FSIP2: variants seen among roughly 807,000 people sequenced by gnomAD.
FSIP2 encodes the protein fibrous sheath-interacting protein 2.
In FSIP2, 367 loss-of-function variants were observed where a neutral mutation model predicts 510.5. That is an observed-to-expected ratio of 0.72 (90% CI 0.66 to 0.78). FSIP2 has a LOEUF of 0.78. Ranked by LOEUF, FSIP2 falls within the 30% of genes least tolerant of loss-of-function variation. FSIP2 has a pLI of 0.00. For synonymous variants in FSIP2, 2,601 were observed against 2,732.2 expected (o/e 0.95, Z 1.50); for missense variants, 7,594 against 7,901.7 (o/e 0.96, Z 1.48).
intron 17 of FSIP2, among the ~76,000 whole-genome samples, chr2:185,810,373 A>AC (rs1693700707): frequency 6.6e-6 from 1 of 151,682 alleles, no homozygotes; most frequent in Non-Finnish European, 1.5e-5. Flanking sequence ...ACTCCCCTGC[A>AC]CCCTGCCCAA....
chr2:185,817,154 T>G (rs1005526566), intron 19 of FSIP2, among the ~76,000 whole-genome samples: 1 of 152,024 alleles, frequency 6.6e-6, no homozygotes, highest in Non-Finnish European at 1.5e-5. Flanking sequence ...AGGAGCCCAA[T>G]TTACAGTTTC....
At position 185,809,217 on chromosome 2, in the gene FSIP2, GA is replaced by G. The variant is rs1234891765; in HGVS notation, c.19827+87del. The G allele has an allele frequency of 7.1e-6, 10 of 1,410,148 alleles. No homozygotes were observed. The East Asian group carries it at 2.4e-4, about 34-fold the overall frequency. The allele number at this position is 1,410,148 out of a possible 1,614,324, so 87.4% of individuals were successfully genotyped here. On this transcript the variant is annotated intron_variant, in intron 17 of 22. Coordinates refer to ENST00000424728, the MANE Select transcript of FSIP2 (RefSeq NM_173651.4). ...ATTTCCTTCCTCAAATAAGTATATG[GA>G]AATGCATTCATTGTTGTTGGTGTTT...
rs752244805 is a variant in FSIP2 at position 185,806,392 on chromosome 2, G to A, written c.17086G>A (p.Glu5696Lys). Residue 5696 changes from glutamate to lysine, a missense_variant, in exon 17 of 23, where the codon GAA (glutamate) becomes AAA (lysine). Coordinates refer to ENST00000424728, the MANE Select transcript of FSIP2 (RefSeq NM_173651.4). ...TGTTTTAGAACTATCTTCTTCTCCA[G>A]AACCAGCATATTATTCGAAACTCAG... ...EDVLELSSSP[E>K]PAYYSKLSYD... is the part of the protein sequence containing the mutation. The A allele has an allele frequency of 2.5e-6, 4 of 1,611,742 alleles. 1 individual carries two copies. The South Asian group carries it at 4.4e-5, about 18-fold the overall frequency.
chr2:185,738,677 T>C, upstream of FSIP2: 1 of 1,536,104 alleles, frequency 6.5e-7, no homozygotes, highest in Non-Finnish European at 8.7e-7. Context: ...GGACCGATTT[T>C]CCCAGCTCTG....
intron 10 of FSIP2, among the ~76,000 whole-genome samples, chr2:185,761,395 A>G (rs1435367851): frequency 6.6e-6 from 1 of 151,236 alleles, no homozygotes; most frequent in Non-Finnish European, 1.5e-5. Context: ...GTACTAAGCT[A>G]GAATGAAGGA....
At chr2:185,816,871 G>T (rs1693835058) in intron 19 of FSIP2, among the ~76,000 whole-genome samples, 1 of 150,112 alleles carries the variant, frequency 6.7e-6, no homozygotes, top group South Asian at 2.1e-4. Context: ...GAGAGAGAGA[G>T]AGAGAGAGAA....
chr2:185,815,905 A>G (rs1693818677), intron 19 of FSIP2, among the ~76,000 whole-genome samples: 1 of 152,054 alleles, frequency 6.6e-6, no homozygotes, highest in Non-Finnish European at 1.5e-5. Flanking sequence ...GCATTCAGAG[A>G]TAAATGGTAG....
At chr2:185,756,689 A>C (rs1692253108) in intron 9 of FSIP2, among the ~76,000 whole-genome samples, 1 of 151,274 alleles carries the variant, frequency 6.6e-6, no homozygotes, top group Non-Finnish European at 1.5e-5. Flanking sequence ...CTTTTAACTT[A>C]TGTTATGTCA....
Position 185,813,909 on chromosome 2 carries a change from A to T in FSIP2, c.20192A>T (p.Glu6731Val). ...TTASANIEST[E>V]AISNQVIESK... ...GCCAGTGCAAATATTGAAAGTACTGAAGCAATCTCAAATCAGGTAATAGAA... is the reference window on the plus strand; with the variant it reads ...GCCAGTGCAAATATTGAAAGTACTGTAGCAATCTCAAATCAGGTAATAGAA... The change falls in exon 18 of 23, where the codon GAA becomes GTA. Residue 6731 changes from glutamate (E) to valine (V), a missense_variant. Physicochemically the swap from Glu to Val is moderately radical, Grantham distance 121. Transcript: ENST00000424728. The T allele has an allele frequency of 6.2e-7, 1 of 1,613,766 alleles. No individual in the cohort carries two copies. The highest frequency in any genetic ancestry group is 8.5e-7 in the Non-Finnish European group (1 of 1,179,794).
chr2:185,787,968 ATTATTTGTAT>A (rs1285684643), intron 15 of FSIP2: 4 of 151,332 alleles, frequency 2.6e-5, no homozygotes, highest in Admixed American at 6.6e-5. Context: ...TTTTATTTGT[ATTATTTGTAT>A]TTATTTGTAT....
chr2:185,754,415 G>A (rs762369304), intron 8 of FSIP2, among the ~76,000 whole-genome samples: 28 of 151,398 alleles, frequency 1.8e-4, no homozygotes, highest in Admixed American at 1.3e-4. Context: ...CTTTGACTGT[G>A]TAGTACCAGG....
At chr2:185,757,980 T>C (rs570814659) in intron 9 of FSIP2, among the ~76,000 whole-genome samples, 12 of 151,078 alleles carry the variant, frequency 7.9e-5, no homozygotes, top group Non-Finnish European at 1.5e-4. Context: ...CCAGATTACC[T>C]CTGGGATTAT....
rs1385560166 is a variant in FSIP2 at position 185,803,897 on chromosome 2, T to C, written c.14591T>C (p.Val4864Ala). Residue 4864 changes from valine (V) to alanine (A), a missense_variant, in exon 17 of 23, where the codon GTT becomes GCT. Physicochemically the swap from Val to Ala is moderately conservative, Grantham distance 64. Coordinates refer to ENST00000424728, the MANE Select transcript of FSIP2 (RefSeq NM_173651.4). The part of the protein sequence containing the change: ...MISAKDIQSM[V>A]DSIYADLSHS... ...TCAGCAAAAGATATCCAGTCTATGG[T>C]TGATTCCATTTATGCTGATCTTTCT... 1 of 1,526,210 alleles carries C rather than the reference T, an allele frequency of 6.6e-7. No homozygotes were observed. The highest frequency in any genetic ancestry group is 8.8e-7 in the Non-Finnish European group (1 of 1,140,060). 94.5% of individuals were successfully genotyped at this position (1,526,210 alleles called of 1,614,324 possible).
In FSIP2 at chr2:185,782,287, GTATT is replaced by G. The variant is rs112693084; in HGVS notation, c.1412-413_1412-410del. Among the ~76,000 whole-genome samples the G allele has an allele frequency of 6.3e-4, 69 of 109,578 alleles. 2 individuals carry two copies. Among genetic ancestry groups the G allele is most frequent in the African/African-American group, 2.2e-3 (69 of 31,890 alleles). The allele number at this position is 109,578 out of a possible 152,430, so 71.9% of individuals were successfully genotyped here. The stretch of plus-strand genomic sequence containing the variant: ...GAGTGCTTTGAGAGCACTGGGAAGG[GTATT>G]TATTCAGGTACGTATCAAGGAAGGC... On this transcript the variant is annotated intron_variant, in intron 13 of 22. Coordinates refer to ENST00000424728, the MANE Select transcript of FSIP2 (RefSeq NM_173651.4).
In FSIP2 at chr2:185,790,277, A is replaced by AAAT; in HGVS notation, c.3143_3145dup (p.Asn1048dup). Reference sequence around the variant, plus strand: ...GAAACACTTGTTTTGAATGCAAAAGAAATATCAAACCACCTACAAAGCCTG... The same window carrying AAAT: ...GAAACACTTGTTTTGAATGCAAAAGAAATAATATCAAACCACCTACAAAGCCTG... On this transcript the variant is annotated inframe_insertion, in exon 16 of 23. Coordinates refer to ENST00000424728, the MANE Select transcript of FSIP2 (RefSeq NM_173651.4). The AAAT allele has an allele frequency of 6.5e-7, 1 of 1,533,630 alleles. No individual in the cohort carries two copies. The highest frequency in any genetic ancestry group is 8.7e-7 in the Non-Finnish European group (1 of 1,145,362).
chr2:185,810,965 G>T (rs1693715073), intron 17 of FSIP2, among the ~76,000 whole-genome samples: 1 of 152,042 alleles, frequency 6.6e-6, no homozygotes, highest in Non-Finnish European at 1.5e-5. Flanking sequence ...GCTGCATTGT[G>T]TCCATGCCCT....
rs1043449652 is a variant in FSIP2, at chr2:185,783,018, G to A, written c.1469+256G>A. ...CTCCATGCCACTTTCAAGTGTATCC[G>A]CATCATAGCCTTCTTCCGGTAGCTT... On this transcript the variant is annotated intron_variant, in intron 14 of 22. Coordinates refer to ENST00000424728, the MANE Select transcript of FSIP2 (RefSeq NM_173651.4). Among the ~76,000 whole-genome samples, 13 of 152,120 alleles carry A rather than the reference G, an allele frequency of 8.5e-5. No individual in the cohort carries two copies. The South Asian group carries it at 2.1e-3, about 24-fold the overall frequency.
At position 185,775,656 on chromosome 2, in the gene FSIP2, TTTTG is replaced by T. The variant is rs565309489; in HGVS notation, c.1412-7037_1412-7034del. Among the ~76,000 whole-genome samples the T allele has an allele frequency of 5.2e-3, 798 of 152,072 alleles. 8 individuals carry two copies. Among genetic ancestry groups the T allele is most frequent in the African/African-American group, 0.018 (730 of 41,470 alleles). ...ATCTTCCAAAATTGTGGGTTTTTTG[TTTTG>T]TTTGTTTGTTTTTGTTTTGCTTTCA... On this transcript the variant is annotated intron_variant, in intron 13 of 22. Coordinates refer to ENST00000424728, the MANE Select transcript of FSIP2 (RefSeq NM_173651.4).
chr2:185,763,050 C>A, intron 11 of FSIP2, 133 bp from the exon 12 acceptor site: 2 of 574,564 alleles, frequency 3.5e-6, no homozygotes, highest in Non-Finnish European at 6.2e-6. Flanking sequence ...TCAAATAAAT[C>A]CCTGATTGTG....
Sources: allele counts gnomAD v4.1 joint callset (sites outside exome capture counted in the v4.1 genomes callset), GRCh38; gene constraint gnomAD v4.1.1; transcripts MANE v1.5; gene names NCBI Gene and HGNC (gene_info 2026-07-23, HGNC 2026-07-21).